XXYLT1: variants seen among roughly 807,000 people sequenced by gnomAD.
XXYLT1 encodes the protein xyloside xylosyltransferase 1.
In XXYLT1, 20 loss-of-function variants were observed where a neutral mutation model predicts 28.9. The ratio of observed to expected loss-of-function variants is 0.69; its 90% CI spans 0.49 to 1.00. The LOEUF is 1.00. Among genes scored for constraint, XXYLT1 ranks in the 50% least tolerant of loss-of-function variants. The pLI is 0.00. For missense variants in XXYLT1, 542 were observed against 560.1 expected (o/e 0.97, Z 0.33); for synonymous variants, 257 against 253.8 (o/e 1.01, Z -0.12).
Position 195,069,662 on chromosome 3 carries a change from AC to A in XXYLT1, c.*52del. The A allele has an allele frequency of 1.3e-6, 2 of 1,562,722 alleles. No individual in the cohort carries two copies. Among genetic ancestry groups the A allele is most frequent in the Non-Finnish European group, 8.6e-7 (1 of 1,159,260 alleles). On this transcript the variant is annotated 3_prime_UTR_variant, in exon 4 of 4. Coordinates refer to ENST00000310380, the MANE Select transcript of XXYLT1 (RefSeq NM_152531.5). The stretch of plus-strand genomic sequence containing the variant: ...ACTGCCCTTGGGTCTGTCCCAAGGA[AC>A]CCTGTCCTTCCCCCAGATCTGGAGG...
intron 3 of XXYLT1, chr3:195,122,302 C>A: frequency 1.6e-6 from 1 of 620,868 alleles, no homozygotes; most frequent in Non-Finnish European, 2.9e-6. Flanking sequence ...CCATTGCACC[C>A]CTCAGTAGTC....
chr3:195,146,007 C>T (rs1719825382), intron 3 of XXYLT1, among the ~76,000 whole-genome samples: 1 of 152,172 alleles, frequency 6.6e-6, no homozygotes, highest in African/African-American at 2.4e-5. Flanking sequence ...TCAATTCAAC[C>T]CCAGGCTCAG....
intron 2 of XXYLT1, among the ~76,000 whole-genome samples, chr3:195,164,110 G>T (rs1306936733): frequency 6.6e-6 from 1 of 152,232 alleles, no homozygotes; most frequent in Non-Finnish European, 1.5e-5. Flanking sequence ...AGAAAGGAAA[G>T]AACTGATATA....
chr3:195,150,593 G>A lies in XXYLT1; in HGVS notation c.785+5856C>T, dbSNP rs1720150207. Among the ~76,000 whole-genome samples the A allele has an allele frequency of 6.6e-6, 1 of 152,160 alleles. No individual in the cohort carries two copies. ...GTGGCATGTTATCAGCAGCTGACAG[G>A]AATAGCCTGCCGCTTCCTCCTCAGG... is the stretch of plus-strand genomic sequence containing the variant. On this transcript the variant is annotated intron_variant, in intron 3 of 3. Coordinates refer to ENST00000310380, the MANE Select transcript of XXYLT1 (RefSeq NM_152531.5). The surrounding 1 kb of genome is among the most constrained non-coding windows in gnomAD (Gnocchi z 4.7).
intron 2 of XXYLT1, among the ~76,000 whole-genome samples, chr3:195,204,503 C>T (rs1291375715): frequency 6.6e-6 from 1 of 151,736 alleles, no homozygotes; most frequent in Non-Finnish European, 1.5e-5. Context: ...CTCTCTCTCT[C>T]TCAGTGGCAT....
intron 1 of XXYLT1, chr3:195,247,787 G>A: frequency 1.4e-6 from 1 of 702,566 alleles, no homozygotes; most frequent in Non-Finnish European, 2.6e-6. Context: ...TGCCTGGCTG[G>A]GGAGGCCTCA....
chr3:195,261,330 G>C (rs894671763), intron 1 of XXYLT1, among the ~76,000 whole-genome samples: 1 of 152,188 alleles, frequency 6.6e-6, no homozygotes, highest in Non-Finnish European at 1.5e-5. Context: ...AGCTACTCGG[G>C]AGCTGAGGCA....
At chr3:195,226,351 A>T (rs1724050974) in intron 2 of XXYLT1, among the ~76,000 whole-genome samples, 1 of 152,234 alleles carries the variant, frequency 6.6e-6, no homozygotes, top group African/African-American at 2.4e-5. Context: ...AAGAGCATAA[A>T]TTTGGATGGA....
At chr3:195,213,699 A>G (rs9828466) in intron 2 of XXYLT1, among the ~76,000 whole-genome samples, 66 of 152,388 alleles carry the variant, frequency 4.3e-4, no homozygotes, top group African/African-American at 1.5e-3. Flanking sequence ...TTTTTACTGC[A>G]GTACCTATCA....
At chr3:195,087,552 C>A (rs914008325) in intron 3 of XXYLT1, among the ~76,000 whole-genome samples, 3 of 152,266 alleles carry the variant, frequency 2.0e-5, no homozygotes, top group African/African-American at 7.2e-5. Flanking sequence ...CTTCTCAGCT[C>A]TCTCCGGATA....
At chr3:195,228,416 G>A (rs757680474) in intron 1 of XXYLT1, among the ~76,000 whole-genome samples, 15 of 151,794 alleles carry the variant, frequency 9.9e-5, no homozygotes, top group East Asian at 5.8e-4. Context: ...CAGAGCCATC[G>A]GTGGTCGTGG....
intron 3 of XXYLT1, among the ~76,000 whole-genome samples, chr3:195,110,147 T>G: frequency 2.9e-5 from 1 of 34,268 alleles, no homozygotes; most frequent in Admixed American, 3.2e-4. Flanking sequence ...GTGTGTGTGG[T>G]GTCTGTGTGT....
Position 195,072,089 on chromosome 3 carries a change from G to T in XXYLT1, c.786-1978C>A, listed in dbSNP as rs560558809. ...CCCGTGCAGTCTCTTGTGTCCACAG[G>T]ACCTCACAGGGCACCAGCACAGCAG... On this transcript the variant is annotated intron_variant, in intron 3 of 3. Coordinates refer to ENST00000310380, the MANE Select transcript of XXYLT1 (RefSeq NM_152531.5). Among the ~76,000 whole-genome samples the T allele has an allele frequency of 1.2e-3, 187 of 152,246 alleles. 1 individual carries two copies. Among genetic ancestry groups the T allele is most frequent in the African/African-American group, 4.1e-3 (169 of 41,538 alleles).
In XXYLT1 at chr3:195,183,947, A is replaced by G. The variant is rs373866201; in HGVS notation, c.653-27366T>C. Among the ~76,000 whole-genome samples the G allele has an allele frequency of 3.2e-3, 482 of 152,384 alleles. 1 individual carries two copies. Among genetic ancestry groups the G allele is most frequent in the African/African-American group, 0.011 (470 of 41,596 alleles). On this transcript the variant is annotated intron_variant, in intron 2 of 3. Transcript: ENST00000310380. ...GGCTGCCCTAGACCATCTGTGAGGC[A>G]TATCATTTTGAGAGAAGAACACTGC... is the stretch of plus-strand genomic sequence containing the variant.
chr3:195,219,468 T>C (rs886902979), intron 2 of XXYLT1, among the ~76,000 whole-genome samples: 1 of 152,160 alleles, frequency 6.6e-6, no homozygotes, highest in Non-Finnish European at 1.5e-5. Flanking sequence ...CTGACCTCAG[T>C]GTTTCAGGGC....
chr3:195,174,190 C>T (rs896852990), intron 2 of XXYLT1, among the ~76,000 whole-genome samples: 1 of 152,140 alleles, frequency 6.6e-6, no homozygotes, highest in African/African-American at 2.4e-5. Flanking sequence ...TCTAGAGACC[C>T]TTTGTCTAGA....
intron 3 of XXYLT1, among the ~76,000 whole-genome samples, chr3:195,105,783 G>A (rs753187350): frequency 2.0e-5 from 3 of 152,208 alleles, no homozygotes; most frequent in Admixed American, 1.3e-4. Flanking sequence ...TTTTCCCACC[G>A]TCGGTGAAAC....
intron 2 of XXYLT1, among the ~76,000 whole-genome samples, chr3:195,188,793 C>T (rs372815178): frequency 3.3e-5 from 5 of 152,254 alleles, no homozygotes; most frequent in African/African-American, 9.6e-5. Context: ...CACACCACTG[C>T]TCCATTTCCC....
At position 195,173,949 on chromosome 3, in the gene XXYLT1, C is replaced by T. The variant is rs954909878; in HGVS notation, c.653-17368G>A. Among the ~76,000 whole-genome samples, 3 of 152,208 alleles carry T rather than the reference C, an allele frequency of 2.0e-5. No homozygotes were observed. Among genetic ancestry groups the T allele is most frequent in the African/African-American group, 7.2e-5 (3 of 41,446 alleles). ...AGGCACTGGTGAGAACAGCCGCTGGCTCCCTCGGGTTGCAGGAGCAGAGTG... is the reference window on the plus strand; with the variant it reads ...AGGCACTGGTGAGAACAGCCGCTGGTTCCCTCGGGTTGCAGGAGCAGAGTG... On this transcript the variant is annotated intron_variant, in intron 2 of 3. Coordinates refer to ENST00000310380, the MANE Select transcript of XXYLT1 (RefSeq NM_152531.5). This position sits in a 1 kb window ranked among gnomAD's most constrained non-coding sequence, Gnocchi z 4.3.
Sources: gnomAD v4.1 joint callset for allele counts (sites outside exome capture counted in the v4.1 genomes callset) on GRCh38, gnomAD v4.1.1 for gene constraint, Gnocchi (gnomAD v3.1) non-coding constraint, MANE v1.5 for transcripts, NCBI Gene and HGNC (gene_info 2026-07-23, HGNC 2026-07-21) for gene names.